ZNF804B: variants seen among roughly 807,000 people sequenced by gnomAD.
The protein encoded by ZNF804B is zinc finger protein 804B, also known as zinc finger 804B.
In ZNF804B, 80 loss-of-function variants were observed where a neutral mutation model predicts 101.4. That is an observed-to-expected ratio of 0.79 (90% CI 0.66 to 0.95). The LOEUF is 0.95. Among genes scored for constraint, ZNF804B ranks in the 40% least tolerant of loss-of-function variants. The pLI is 0.00. For missense variants in ZNF804B, 1,673 were observed against 1,561.9 expected (o/e 1.07, Z -1.20); for synonymous variants, 622 against 558.8 (o/e 1.11, Z -1.59).
intron 2 of ZNF804B, among the ~76,000 whole-genome samples, chr7:89,219,537 C>G (rs890017317): frequency 2.6e-5 from 4 of 151,554 alleles, no homozygotes; most frequent in Non-Finnish European, 5.9e-5. Context: ...TACCTACTCT[C>G]CAAATGTGAA....
chr7:89,332,577 T>G (rs1210919328), intron 3 of ZNF804B, among the ~76,000 whole-genome samples: 8 of 151,888 alleles, frequency 5.3e-5, no homozygotes, highest in Non-Finnish European at 8.8e-5. Context: ...GGCATATAAT[T>G]TTAATCTAAA....
chr7:88,891,476 G>A lies in ZNF804B; in HGVS notation c.108+131392G>A, dbSNP rs143194246. On this transcript the variant is annotated intron_variant, in intron 1 of 3. Coordinates refer to ENST00000333190, the MANE Select transcript of ZNF804B (RefSeq NM_181646.5). ...GTCCTTATGCATTATATGTCTATTA[G>A]ACTATCATGTAATTCACTGTAATCC... Among the ~76,000 whole-genome samples, 261 of 151,910 alleles carry A rather than the reference G, an allele frequency of 1.7e-3. 1 individual carries two copies. Among genetic ancestry groups the A allele is most frequent in the African/African-American group, 6.1e-3 (253 of 41,452 alleles).
chr7:88,947,479 C>T (rs1793153327), intron 1 of ZNF804B, among the ~76,000 whole-genome samples: 1 of 151,156 alleles, frequency 6.6e-6, no homozygotes, highest in South Asian at 2.1e-4. Flanking sequence ...AACACGTGGA[C>T]ACAGGGAGGG....
intron 1 of ZNF804B, among the ~76,000 whole-genome samples, chr7:88,999,081 A>G (rs1788243227): frequency 2.0e-5 from 3 of 152,078 alleles, no homozygotes; most frequent in Non-Finnish European, 4.4e-5. Flanking sequence ...CTGCAGAAGA[A>G]CTGAAAACAT....
chr7:88,903,643 C>A (rs1452308021), intron 1 of ZNF804B, among the ~76,000 whole-genome samples: 1 of 152,052 alleles, frequency 6.6e-6, no homozygotes, highest in Non-Finnish European at 1.5e-5. Context: ...TTATTAATAG[C>A]CATTCTGAGT....
intron 1 of ZNF804B, among the ~76,000 whole-genome samples, chr7:89,097,210 T>G (rs1031066507): frequency 1.3e-5 from 2 of 152,228 alleles, no homozygotes; most frequent in Non-Finnish European, 2.9e-5. Context: ...AGAACTGTTG[T>G]GACTACTTCA....
At chr7:89,028,589 G>A (rs1043243034) in intron 1 of ZNF804B, among the ~76,000 whole-genome samples, 1 of 152,104 alleles carries the variant, frequency 6.6e-6, no homozygotes, top group Non-Finnish European at 1.5e-5. Context: ...ATCAACTCAT[G>A]TGCCTCATTC....
intron 2 of ZNF804B, among the ~76,000 whole-genome samples, chr7:89,314,749 A>G (rs1305510301): frequency 1.3e-5 from 2 of 152,208 alleles, no homozygotes; most frequent in African/African-American, 4.8e-5. Flanking sequence ...GAAACAAAAT[A>G]TAAACTCGGA....
chr7:88,857,204 A>G lies in ZNF804B; in HGVS notation c.108+97120A>G, dbSNP rs1299660448. ...CCCTAACATCACAATTAAAAGAACT[A>G]GAGAAGCAAGAGCAAACACATTCAA... On this transcript the variant is annotated intron_variant, in intron 1 of 3. Coordinates refer to ENST00000333190, the MANE Select transcript of ZNF804B (RefSeq NM_181646.5). Among the ~76,000 whole-genome samples, 6 of 152,152 alleles carry G rather than the reference A, an allele frequency of 3.9e-5. No homozygotes were observed. In the South Asian group the frequency reaches 8.3e-4, roughly 21 times the overall value.
chr7:89,042,272 A>C (rs1464162814), intron 1 of ZNF804B, among the ~76,000 whole-genome samples: 2 of 152,192 alleles, frequency 1.3e-5, no homozygotes, highest in African/African-American at 2.4e-5. Flanking sequence ...ACAGTGTTTC[A>C]AAATGCAATC....
At chr7:89,270,242 A>G (rs571357741) in intron 2 of ZNF804B, among the ~76,000 whole-genome samples, 2 of 152,284 alleles carry the variant, frequency 1.3e-5, no homozygotes, top group Admixed American at 6.5e-5. Flanking sequence ...TAATTTTTGT[A>G]TAAGGTGTAA....
intron 1 of ZNF804B, among the ~76,000 whole-genome samples, chr7:88,821,474 A>T (rs985090257): frequency 6.6e-6 from 1 of 152,218 alleles, no homozygotes; most frequent in Non-Finnish European, 1.5e-5. Context: ...AAATTTTAAA[A>T]TGTATTTCTT....
chr7:89,295,519 C>T (rs1270153153), intron 2 of ZNF804B, among the ~76,000 whole-genome samples: 2 of 152,168 alleles, frequency 1.3e-5, no homozygotes, highest in African/African-American at 4.8e-5. Flanking sequence ...TCTCTTATTC[C>T]TGAAATGATC....
chr7:88,854,535 C>CT (rs757541717), intron 1 of ZNF804B, among the ~76,000 whole-genome samples: 1,462 of 71,936 alleles, frequency 0.02, 72 homozygotes, highest in East Asian at 0.13. Flanking sequence ...CCTTTCCTTC[C>CT]TTCCTTCCTT....
At chr7:89,220,083 A>C (rs1788975342) in intron 2 of ZNF804B, among the ~76,000 whole-genome samples, 2 of 34,058 alleles carry the variant, frequency 5.9e-5, no homozygotes, top group East Asian at 6.8e-4. Context: ...GTGTATATAC[A>C]TATATATACG....
At position 88,776,555 on chromosome 7, in the gene ZNF804B, G is replaced by GTTTTT. The variant is rs10630362; in HGVS notation, c.108+16475_108+16476insTTTTT. Among the ~76,000 whole-genome samples, 470 of 106,330 alleles carry GTTTTT rather than the reference G, an allele frequency of 4.4e-3. 29 individuals are homozygous for GTTTTT. The highest frequency in any genetic ancestry group is 8.4e-3 in the African/African-American group (255 of 30,454). 69.8% of individuals were successfully genotyped at this position (106,330 alleles called of 152,430 possible). Reference sequence around the variant, plus strand: ...TAGTGGCTTTTCTATTTCTCGTGGTGTTTTGTTTTTTTTTTTTTTTTTTTT... The same window carrying GTTTTT: ...TAGTGGCTTTTCTATTTCTCGTGGTGTTTTTTTTTGTTTTTTTTTTTTTTTTTTTT... On this transcript the variant is annotated intron_variant, in intron 1 of 3. Transcript: ENST00000333190.
intron 1 of ZNF804B, among the ~76,000 whole-genome samples, chr7:88,948,070 T>C (rs1446356756): frequency 2.6e-5 from 4 of 151,974 alleles, no homozygotes; most frequent in Non-Finnish European, 4.4e-5. Flanking sequence ...AGGACAATAC[T>C]ACCTGCTACT....
At chr7:88,996,203 C>T (rs768638615) in intron 1 of ZNF804B, among the ~76,000 whole-genome samples, 3 of 152,056 alleles carry the variant, frequency 2.0e-5, no homozygotes, top group African/African-American at 7.2e-5. Flanking sequence ...AGGAAAATTT[C>T]TCTAACTGTA....
intron 1 of ZNF804B, among the ~76,000 whole-genome samples, chr7:89,007,040 G>A (rs1016626957): frequency 8.5e-5 from 13 of 152,054 alleles, no homozygotes; most frequent in African/African-American, 2.7e-4. Flanking sequence ...AGCACTATAT[G>A]CAGCAGCTGT....
Sources: allele counts gnomAD v4.1 joint callset (sites outside exome capture counted in the v4.1 genomes callset), GRCh38; gene constraint gnomAD v4.1.1; transcripts MANE v1.5; gene names NCBI Gene and HGNC (gene_info 2026-07-23, HGNC 2026-07-21).